The following FANK1 variants were observed in gnomAD, a reference collection of about 807,000 sequenced individuals.
The protein encoded by FANK1 is fibronectin type III and ankyrin repeat domains 1.
A neutral mutation model predicts 45.3 loss-of-function variants in FANK1; 44 were observed. The observed-to-expected ratio is 0.97, with a 90% CI of 0.76 to 1.25. FANK1 has a LOEUF of 1.25. Among genes scored for constraint, FANK1 ranks in the 50% most tolerant of loss-of-function variants. The pLI is 0.00. For synonymous variants in FANK1, 149 were observed against 152.5 expected, an observed-to-expected ratio of 0.98 and a Z score of 0.17; for missense variants, 391 against 424.4, an observed-to-expected ratio of 0.92 and a Z score of 0.69.
At chr10:125,973,493 G>T in intron 1 of FANK1, 1 of 982,822 alleles carries the variant, frequency 1.0e-6, no homozygotes, top group Non-Finnish European at 1.2e-6. Context: ...CTCACAGTAA[G>T]AGGTCAGTGT....
At chr10:126,004,646 CA>C in intron 6 of FANK1, 1 of 457,484 alleles carries the variant, frequency 2.2e-6, no homozygotes, top group South Asian at 2.6e-5. Context: ...TGGCATCTTT[CA>C]GCACAGTGTT....
At chr10:125,974,764 T>C (rs1950750781) in intron 1 of FANK1, 1 of 152,222 alleles carries the variant, frequency 6.6e-6, no homozygotes, top group African/African-American at 2.4e-5. Flanking sequence ...CAGTCTCTTA[T>C]AAATGGGTCA....
chr10:125,898,852 A>G, intron 1 of FANK1, among the ~76,000 whole-genome samples: 1 of 151,262 alleles, frequency 6.6e-6, no homozygotes, highest in South Asian at 2.1e-4. Flanking sequence ...TATTTCATCA[A>G]TTTAATTTTA....
chr10:125,946,415 G>T (rs1311075492), intron 1 of FANK1, among the ~76,000 whole-genome samples: 3 of 151,504 alleles, frequency 2.0e-5, no homozygotes, highest in African/African-American at 7.3e-5. Context: ...GTGCTTAAAG[G>T]AGCTGATGGA....
chr10:125,959,726 G>A (rs113817152), intron 1 of FANK1, among the ~76,000 whole-genome samples: 2,204 of 152,236 alleles, frequency 0.014, 56 homozygotes, highest in African/African-American at 0.05. Flanking sequence ...AAATTCATGA[G>A]CAGAACACAT....
chr10:125,920,505 A>G (rs1405367368), intron 1 of FANK1, among the ~76,000 whole-genome samples: 1 of 152,226 alleles, frequency 6.6e-6, no homozygotes, highest in Non-Finnish European at 1.5e-5. Context: ...CTTCTGGAAT[A>G]CTAGAAATAA....
chr10:125,910,717 T>C (rs1423242196), intron 1 of FANK1, among the ~76,000 whole-genome samples: 1 of 152,250 alleles, frequency 6.6e-6, no homozygotes, highest in Admixed American at 6.5e-5. Flanking sequence ...TTCCAGACGT[T>C]TGCTATTGTG....
At chr10:125,940,987 A>G (rs1182464063) in intron 1 of FANK1, among the ~76,000 whole-genome samples, 1 of 152,336 alleles carries the variant, frequency 6.6e-6, no homozygotes, top group African/African-American at 2.4e-5. Flanking sequence ...AGGCAAAACA[A>G]TTGTTCAGGG....
intron 1 of FANK1, among the ~76,000 whole-genome samples, chr10:125,916,236 C>G (rs1414836694): frequency 6.6e-6 from 1 of 151,952 alleles, no homozygotes. Flanking sequence ...TGTGTTTTAC[C>G]ATGTTGGCCA....
chr10:126,001,253 G>A (rs1171552902), intron 6 of FANK1, among the ~76,000 whole-genome samples: 1 of 152,152 alleles, frequency 6.6e-6, no homozygotes, highest in African/African-American at 2.4e-5. Context: ...ACATTCATAT[G>A]ATAGAATATT....
chr10:125,909,114 G>T (rs1371209595), intron 1 of FANK1, among the ~76,000 whole-genome samples: 2 of 152,216 alleles, frequency 1.3e-5, no homozygotes, highest in African/African-American at 4.8e-5. Flanking sequence ...ATTAACTTCT[G>T]TAGGGTTGCT....
Position 125,983,498 on chromosome 10 carries a change from T to C in FANK1, c.191+3160T>C, listed in dbSNP as rs919240427. Among the ~76,000 whole-genome samples, 1 of 152,066 alleles carries C rather than the reference T, an allele frequency of 6.6e-6. No individual in the cohort carries two copies. Among genetic ancestry groups the C allele is most frequent in the Non-Finnish European group, 1.5e-5 (1 of 68,010 alleles). The stretch of plus-strand genomic sequence containing the variant: ...CAATACATACTGAGGGGCAGCAGCA[T>C]AGGAAAAATTGAGGGCCTGGGGTAG... On this transcript the variant is annotated intron_variant, in intron 2 of 10. Coordinates refer to ENST00000368693, the MANE Select transcript of FANK1 (RefSeq NM_145235.5). This position sits in a 1 kb window ranked among gnomAD's most constrained non-coding sequence, Gnocchi z 4.3.
At chr10:125,917,687 C>T (rs1230391303) in intron 1 of FANK1, among the ~76,000 whole-genome samples, 2 of 152,200 alleles carry the variant, frequency 1.3e-5, no homozygotes, top group Admixed American at 6.5e-5. Context: ...GGTACAAGAG[C>T]CCCAGCCAAG....
At chr10:125,954,199 G>T (rs1346271296) in intron 1 of FANK1, among the ~76,000 whole-genome samples, 1 of 152,166 alleles carries the variant, frequency 6.6e-6, no homozygotes, top group Non-Finnish European at 1.5e-5. Context: ...GCGACAGGAG[G>T]GGTAATTTAC....
chr10:125,954,752 T>A (rs922508664), intron 1 of FANK1, among the ~76,000 whole-genome samples: 1 of 152,054 alleles, frequency 6.6e-6, no homozygotes, highest in Non-Finnish European at 1.5e-5. Context: ...AAACCCTGCC[T>A]CTACTAAAAA....
At chr10:125,990,808 C>T (rs761952783) in intron 3 of FANK1, among the ~76,000 whole-genome samples, 1 of 152,178 alleles carries the variant, frequency 6.6e-6, no homozygotes, top group African/African-American at 2.4e-5. Context: ...AATGGACTCA[C>T]AGTTCCACAT....
intron 2 of FANK1, among the ~76,000 whole-genome samples, chr10:125,986,630 C>G (rs1256696172): frequency 6.6e-6 from 1 of 152,106 alleles, no homozygotes; most frequent in Non-Finnish European, 1.5e-5. Context: ...ACTGGGAAGT[C>G]CCTTTCTCAG....
chr10:125,980,105 G>T, intron 1 of FANK1, 56 bp from the exon 2 acceptor site: 1 of 1,564,562 alleles, frequency 6.4e-7, no homozygotes, highest in Non-Finnish European at 8.7e-7. Flanking sequence ...CACTCGACTG[G>T]TCTCTCTTCC....
At position 126,009,411 on chromosome 10, in the gene FANK1, G is replaced by C; in HGVS notation, c.1011G>C (p.Gln337His). The change falls in exon 11 of 11, where the codon CAG becomes CAC. Residue 337 changes from glutamine (Q) to histidine (H), a missense_variant. Physicochemically the swap from Gln to His is conservative, Grantham distance 24. Coordinates refer to ENST00000368693, the MANE Select transcript of FANK1 (RefSeq NM_145235.5). ...TATTAGAAGAAAGGAAAAAAAAGCA[G>C]AGGCCAAAGAAGTCTTGTGTCTGCT... ...VSLLEERKKKQRPKKSCVC is the reference protein window; with the variant it reads ...VSLLEERKKKHRPKKSCVC 1 of 1,614,146 alleles carries C rather than the reference G, an allele frequency of 6.2e-7. No homozygotes were observed.
Sources: allele counts gnomAD v4.1 joint callset (sites outside exome capture counted in the v4.1 genomes callset), GRCh38; gene constraint gnomAD v4.1.1; non-coding constraint Gnocchi (gnomAD v3.1); transcripts MANE v1.5; gene names NCBI Gene and HGNC (gene_info 2026-07-23, HGNC 2026-07-21).